Variants in CEP350 observed in about 807,000 individuals in gnomAD.
The protein encoded by CEP350 is centrosomal protein 350, also known as centrosome-associated protein 350.
CEP350 carries 126 observed loss-of-function variants against 331.8 expected under a neutral mutation model. The ratio of observed to expected loss-of-function variants is 0.38; its 90% CI spans 0.33 to 0.44. CEP350 has a LOEUF of 0.44. CEP350 is among the 20% of genes least tolerant of loss of function. The probability of loss-of-function intolerance (pLI) is 1.00; values close to 1 mark genes in which losing one functional copy is unlikely to be tolerated. For missense variants in CEP350, 3,406 were observed against 3,634.6 expected (o/e 0.94, Z 1.62); for synonymous variants, 1,200 against 1,259.5 (o/e 0.95, Z 1.00).
At chr1:180,095,369 ATTGT>A (rs987111356) in intron 34 of CEP350, among the ~76,000 whole-genome samples, 150 bp from the exon 35 acceptor site, 1 of 152,144 alleles carries the variant, frequency 6.6e-6, no homozygotes, top group Non-Finnish European at 1.5e-5. Flanking sequence ...TTTTTCTTAG[ATTGT>A]TTATTAGTAG....
intron 6 of CEP350, among the ~76,000 whole-genome samples, chr1:179,999,702 A>G (rs911079790): frequency 5.3e-5 from 8 of 152,114 alleles, no homozygotes; most frequent in Non-Finnish European, 1.0e-4. Context: ...CAATTTGTAT[A>G]TCCTTCCAGA....
In CEP350 at chr1:179,986,178, C is replaced by A; in HGVS notation, c.-4C>A. 6.5e-7 allele frequency: 1 copy of A among 1,550,196 alleles called. No individual in the cohort carries two copies. Among genetic ancestry groups the A allele is most frequent in the Non-Finnish European group, 8.7e-7 (1 of 1,146,128 alleles). ...ACTGATGTGATTGCAGGTAAATTGG[C>A]AGGATGAGGAGCAGCAAATCAAAAG... On this transcript the variant is annotated 5_prime_UTR_variant, in exon 2 of 38. Coordinates refer to ENST00000367607, the MANE Select transcript of CEP350 (RefSeq NM_014810.5).
chr1:180,020,718 G>A lies in CEP350; in HGVS notation c.2944G>A (p.Val982Ile). 2 of 1,614,048 alleles carry A rather than the reference G, an allele frequency of 1.2e-6. No individual in the cohort carries two copies. Among genetic ancestry groups the A allele is most frequent in the Non-Finnish European group, 1.7e-6 (2 of 1,179,892 alleles). Residue 982 changes from valine to isoleucine, a missense_variant, in exon 12 of 38, where the codon GTC (valine) becomes ATC (isoleucine). Around this residue, in one of 5 missense-constraint regions of CEP350, gnomAD observed 1,857 missense variants for 1,909.2 expected, o/e 0.97. Transcript: ENST00000367607. Reference protein sequence around the residue: ...KISLGSSIDSVSEGPLLSEGS... With the variant: ...KISLGSSIDSISEGPLLSEGS... ...ATCTCTTGGTTCCAGCATAGATTCA[G>A]TCAGTGAAGGGCCTCTTCTTAGTGA...
chr1:180,045,130 T>G (rs1343174647), intron 21 of CEP350, among the ~76,000 whole-genome samples: 1 of 152,070 alleles, frequency 6.6e-6, no homozygotes, highest in Non-Finnish European at 1.5e-5. Context: ...TCACCTGAGG[T>G]TAGGAGTTCA....
chr1:180,079,975 T>C (rs1362438756), intron 29 of CEP350, among the ~76,000 whole-genome samples: 1 of 152,164 alleles, frequency 6.6e-6, no homozygotes, highest in Admixed American at 6.5e-5. Context: ...ATAAAATAGA[T>C]ACTGTTCTAA....
rs768506738 is a variant in CEP350, at chr1:180,073,931, G to A, written c.5568-1091G>A. The A allele has an allele frequency of 9.2e-6, 12 of 1,303,716 alleles. No individual in the cohort carries two copies. In the South Asian group the frequency reaches 1.4e-4, roughly 15 times the overall value. 80.8% of individuals were successfully genotyped at this position (1,303,716 alleles called of 1,614,324 possible). On this transcript the variant is annotated intron_variant, in intron 27 of 37. Coordinates refer to ENST00000367607, the MANE Select transcript of CEP350 (RefSeq NM_014810.5). ...CAGGTAACTTTGCACCTTTTTCAGTGCACTCTTTGATAGAGCATGCTCTGT... is the reference window on the plus strand; with the variant it reads ...CAGGTAACTTTGCACCTTTTTCAGTACACTCTTTGATAGAGCATGCTCTGT...
chr1:179,996,844 A>C lies in CEP350; in HGVS notation c.687A>C (p.Thr229=). ...CTGAGGAAGAAATGCCTAACAGAAC[A>C]AAAGGAAGTGAGAATAATTTGAAGC... ...MRTEEEMPNR[T]KGSENNLKLS... is the part of the protein sequence containing the mutation. The change falls in exon 6 of 38, where the codon ACA becomes ACC. Residue 229 remains threonine, a synonymous_variant. Transcript: ENST00000367607. The C allele has an allele frequency of 1.2e-6, 2 of 1,613,794 alleles. No individual in the cohort carries two copies. The highest frequency in any genetic ancestry group is 8.5e-7 in the Non-Finnish European group (1 of 1,179,706).
intron 17 of CEP350, 143 bp downstream of exon 17, chr1:180,037,232 A>G (rs185779008): frequency 5.1e-5 from 29 of 569,780 alleles, no homozygotes; most frequent in African/African-American, 4.3e-4. Context: ...GTCCTGGGAA[A>G]AATCTGTCGG....
At chr1:179,969,865 A>G (rs148640533) in intron 1 of CEP350, among the ~76,000 whole-genome samples, 1 of 152,308 alleles carries the variant, frequency 6.6e-6, no homozygotes, top group East Asian at 1.9e-4. Flanking sequence ...GGAGTTAACT[A>G]ATAGTAACAC....
intron 37 of CEP350, among the ~76,000 whole-genome samples, chr1:180,101,939 G>C (rs1333505577): frequency 6.6e-6 from 1 of 152,144 alleles, no homozygotes; most frequent in Non-Finnish European, 1.5e-5. Context: ...GAACCTCCAG[G>C]TTTAGCTATC....
At chr1:180,035,731 G>A (rs1309671806) in intron 16 of CEP350, among the ~76,000 whole-genome samples, 1 of 151,946 alleles carries the variant, frequency 6.6e-6, no homozygotes, top group Admixed American at 6.6e-5. Flanking sequence ...ATTTATTCCT[G>A]CTTATTGACA....
In CEP350 at chr1:180,092,861, T is replaced by C; in HGVS notation, c.6756T>C (p.Ser2252=). Residue 2252 remains serine, a synonymous_variant, in exon 34 of 38, where the codon TCT becomes TCC. Coordinates refer to ENST00000367607, the MANE Select transcript of CEP350 (RefSeq NM_014810.5). ...TGTCAGATGGCAAGGTTGGAGAATCTAGTAAAAAATCAGAAATAAAAGAAA... is the reference window on the plus strand; with the variant it reads ...TGTCAGATGGCAAGGTTGGAGAATCCAGTAAAAAATCAGAAATAAAAGAAA... ...LDMSDGKVGE[S]SKKSEIKEIE... is the part of the protein sequence containing the mutation. The C allele has an allele frequency of 6.4e-7, 1 of 1,567,274 alleles. No individual in the cohort carries two copies. Among genetic ancestry groups the C allele is most frequent in the East Asian group, 2.3e-5 (1 of 42,716 alleles).
intron 1 of CEP350, among the ~76,000 whole-genome samples, chr1:179,958,732 A>C (rs74401291): frequency 0.035 from 5,279 of 152,282 alleles, 171 homozygotes; most frequent in South Asian, 0.071. Context: ...GGCCCTAAAT[A>C]AGCATTAATA....
intron 37 of CEP350, 133 bp downstream of exon 37, chr1:180,099,118 C>A: frequency 3.5e-6 from 3 of 853,046 alleles, no homozygotes; most frequent in Non-Finnish European, 5.1e-6. Flanking sequence ...CCTTTACTTG[C>A]TGCATTTCTA....
intron 1 of CEP350, among the ~76,000 whole-genome samples, chr1:179,977,717 G>A (rs1176282025): frequency 6.6e-6 from 1 of 151,926 alleles, no homozygotes; most frequent in Non-Finnish European, 1.5e-5. Flanking sequence ...GTGCACTTAG[G>A]CTACACTAAG....
rs1265597009 is a variant in CEP350, at chr1:180,004,873, G to GGCTGGCTT, written c.1133-1578_1133-1577insGGCTTGCT. 1.7e-3 allele frequency among the ~76,000 whole-genome samples: 173 copies of GGCTGGCTT among 100,570 alleles called. 1 individual carries two copies. Among genetic ancestry groups the GGCTGGCTT allele is most frequent in the African/African-American group, 3.0e-3 (84 of 28,338 alleles). The allele number at this position is 100,570 out of a possible 152,430, so 66.0% of individuals were successfully genotyped here. A position where few individuals can be genotyped will look rare whatever the true frequency, so the allele number is the denominator to read the frequency against. ...CAGAGCTTGGGCAGGCAGGCTGGCTGGCTTGCTTGCTTGCTTGCTTGCTTG... is the reference window on the plus strand; with the variant it reads ...CAGAGCTTGGGCAGGCAGGCTGGCTGGCTGGCTTGCTTGCTTGCTTGCTTGCTTGCTTG... On this transcript the variant is annotated intron_variant, in intron 7 of 37. Transcript: ENST00000367607.
chr1:180,109,906 A>C (rs936311883), intron 37 of CEP350, among the ~76,000 whole-genome samples: 8 of 152,230 alleles, frequency 5.3e-5, no homozygotes, highest in Non-Finnish European at 1.2e-4. Context: ...AAGTGCTGGG[A>C]TTACAGGCGT....
rs760576508 is a variant in CEP350 at position 180,092,788 on chromosome 1, C to T, written c.6683C>T (p.Ala2228Val). Residue 2228 changes from alanine (A) to valine (V), a missense_variant, in exon 34 of 38, where the codon GCA becomes GTA. Around this residue, in one of 5 missense-constraint regions of CEP350, gnomAD observed 1,415 missense variants for 1,512.3 expected, o/e 0.94. Coordinates refer to ENST00000367607, the MANE Select transcript of CEP350 (RefSeq NM_014810.5). ...ESGDSLENVP[A>V]LHLLKELNAT... ...GGAGATTCTCTAGAAAATGTACCTG[C>T]ATTACATCTTCTCAAAGAATTAAAT... The T allele has an allele frequency of 9.5e-6, 15 of 1,578,108 alleles. No homozygotes were observed. Among genetic ancestry groups the T allele is most frequent in the Non-Finnish European group, 1.3e-5 (15 of 1,160,420 alleles).
At chr1:180,075,317 T>G (rs1052553575) in intron 28 of CEP350, 96 bp downstream of exon 28, 9 of 1,257,694 alleles carry the variant, frequency 7.2e-6, no homozygotes, top group Non-Finnish European at 8.7e-6. Context: ...CTGGGCGCAG[T>G]GGCTCACGCC....
Sources: allele counts gnomAD v4.1 joint callset (sites outside exome capture counted in the v4.1 genomes callset), GRCh38; gene constraint gnomAD v4.1.1; regional missense constraint gnomAD v4.1.1; transcripts MANE v1.5; gene names NCBI Gene and HGNC (gene_info 2026-07-23, HGNC 2026-07-21).